CPSF4: variants seen among roughly 807,000 people sequenced by gnomAD.
The protein encoded by CPSF4 is cleavage and polyadenylation specific factor 4.
Under a neutral mutation model 37.7 loss-of-function variants are expected in CPSF4, and 11 were observed. That is an observed-to-expected ratio of 0.29 (90% confidence interval 0.18 to 0.48). CPSF4 has a LOEUF of 0.48. CPSF4 is among the 20% of genes least tolerant of loss of function. The probability of loss-of-function intolerance (pLI) is 0.99; values close to 1 mark genes in which losing one functional copy is unlikely to be tolerated. For missense variants in CPSF4, 144 were observed against 359.5 expected (o/e 0.40, Z 4.85); for synonymous variants, 132 against 135.9 (o/e 0.97, Z 0.20).
rs1266643922 is a variant in CPSF4 at position 99,447,955 on chromosome 7, A to G, written c.155-166A>G. On this transcript the variant is annotated intron_variant, in intron 2 of 7. Transcript: ENST00000292476. Reference sequence around the variant, plus strand: ...AAAATGTCTGTCAGTGTAGTACCTCAAATCATGTTGCCTTCTGTGAGGGGG... The same window carrying G: ...AAAATGTCTGTCAGTGTAGTACCTCGAATCATGTTGCCTTCTGTGAGGGGG... 1.7e-5 allele frequency: 11 copies of G among 648,466 alleles called. No individual in the cohort carries two copies. In the East Asian group the frequency reaches 2.2e-4, roughly 13 times the overall value. 40.2% of individuals were successfully genotyped at this position (648,466 alleles called of 1,614,324 possible).
In CPSF4 at chr7:99,444,689, G is replaced by A. The variant is rs1042338107; in HGVS notation, c.104-100G>A. On this transcript the variant is annotated intron_variant, in intron 1 of 7. Coordinates refer to ENST00000292476, the MANE Select transcript of CPSF4 (RefSeq NM_006693.4). ...TTATTTCCTGTACCCTGAACCCTTG[G>A]TGGGTCAGAGGTCAGAAGGGTTCCC... 7 of 1,126,624 alleles carry A rather than the reference G, an allele frequency of 6.2e-6. No homozygotes were observed. In the African/African-American group the frequency reaches 9.4e-5, roughly 15 times the overall value. 69.8% of individuals were successfully genotyped at this position (1,126,624 alleles called of 1,614,324 possible). A position where few individuals can be genotyped will look rare whatever the true frequency, so the allele number is the denominator to read the frequency against.
chr7:99,446,771 CTTTTTTTTTTTTTTTTTTTTTTT>C (rs762892785), intron 2 of CPSF4, among the ~76,000 whole-genome samples: 4 of 29,134 alleles, frequency 1.4e-4, no homozygotes, highest in African/African-American at 4.5e-4. Context: ...CCATACCCAG[CTTTTTTTTTTTTTTTTTTTTTTT>C]TTTTTTTTTT....
In CPSF4 at chr7:99,456,211, G is replaced by A. The variant is rs574916769; in HGVS notation, c.742-221G>A. 1.0e-3 allele frequency among the ~76,000 whole-genome samples: 152 copies of A among 152,350 alleles called. 1 individual carries two copies. The highest frequency in any genetic ancestry group is 3.4e-3 in the African/African-American group (142 of 41,582). On this transcript the variant is annotated intron_variant, in intron 7 of 7. Coordinates refer to ENST00000292476, the MANE Select transcript of CPSF4 (RefSeq NM_006693.4). ...CGGCCTTGTTCTCCCTTGCATCTGC[G>A]GAGTTGCTGGCTAGTTTCTGCACCA...
chr7:99,442,988 C>A (rs779454911), intron 1 of CPSF4: 2 of 1,582,190 alleles, frequency 1.3e-6, no homozygotes, highest in South Asian at 2.2e-5. Context: ...GCTCCTTCCT[C>A]TTTTTCAGTT....
chr7:99,442,412 T>G (rs1158482792), intron 1 of CPSF4, among the ~76,000 whole-genome samples: 1 of 151,552 alleles, frequency 6.6e-6, no homozygotes, highest in Non-Finnish European at 1.5e-5. Flanking sequence ...ATCCCAGCAC[T>G]TTGGGAGGCC....
intron 1 of CPSF4, among the ~76,000 whole-genome samples, chr7:99,440,093 C>T (rs556615995): frequency 5.9e-4 from 90 of 152,146 alleles, no homozygotes; most frequent in Non-Finnish European, 1.1e-3. Context: ...AATGCTATAA[C>T]CTTAAAGTTT....
Position 99,438,980 on chromosome 7 carries a change from G to T in CPSF4, c.-103G>T. 1.5e-6 allele frequency: 2 copies of T among 1,334,272 alleles called. No individual in the cohort carries two copies. Among genetic ancestry groups the T allele is most frequent in the South Asian group, 1.6e-5 (1 of 62,272 alleles). 82.7% of individuals were successfully genotyped at this position (1,334,272 alleles called of 1,614,324 possible). A position where few individuals can be genotyped will look rare whatever the true frequency, so the allele number is the denominator to read the frequency against. On this transcript the variant is annotated 5_prime_UTR_variant, in exon 1 of 8. Coordinates refer to ENST00000292476, the MANE Select transcript of CPSF4 (RefSeq NM_006693.4). ...GCGGCGGCGGCGGCGGCGGCGAGGC[G>T]AAGCGAAGGAGGAGTGTGTGCGGCG...
At chr7:99,447,271 CTTTTTTTTTTTTT>C (rs1351325327) in intron 2 of CPSF4, among the ~76,000 whole-genome samples, 1 of 107,166 alleles carries the variant, frequency 9.3e-6, no homozygotes, top group South Asian at 2.6e-4. Context: ...TTTTTTTTTT[CTTTTTTTTTTTTT>C]TGAGACAGAG....
intron 1 of CPSF4, among the ~76,000 whole-genome samples, chr7:99,440,668 A>ATGTTTTTT (rs1263161658): frequency 1.2e-5 from 1 of 84,826 alleles, no homozygotes; most frequent in Non-Finnish European, 1.9e-5. Flanking sequence ...ATATATATAT[A>ATGTTTTTT]TATATATTTT....
chr7:99,443,643 G>T, intron 1 of CPSF4: 3 of 489,474 alleles, frequency 6.1e-6, no homozygotes, highest in Non-Finnish European at 1.1e-5. Flanking sequence ...TGTGGGCCAG[G>T]TGTGGTGGCT....
At chr7:99,446,519 TCTGTCCCATCAGGTC>T (rs1046778656) in intron 2 of CPSF4, among the ~76,000 whole-genome samples, 83 of 152,166 alleles carry the variant, frequency 5.5e-4, no homozygotes, top group African/African-American at 1.4e-3. Flanking sequence ...AGAGGCTGGC[TCTGTCCCATCAGGTC>T]CTGTCCCAGA....
chr7:99,453,677 T>C lies in CPSF4; in HGVS notation c.571-289T>C. The C allele has an allele frequency of 2.9e-6, 1 of 339,710 alleles. No homozygotes were observed. The highest frequency in any genetic ancestry group is 6.1e-5 in the East Asian group (1 of 16,314). 21.0% of individuals were successfully genotyped at this position (339,710 alleles called of 1,614,324 possible). A position where few individuals can be genotyped will look rare whatever the true frequency, so the allele number is the denominator to read the frequency against. ...GAACCTCAGAAACCAAAGTAAGGCC[T>C]GATCATGCCCTCGCCCCACTGCCCC... On this transcript the variant is annotated intron_variant, in intron 6 of 7. Transcript: ENST00000292476. The surrounding 1 kb of genome is among the most constrained non-coding windows in gnomAD (Gnocchi z 4.7).
intron 1 of CPSF4, among the ~76,000 whole-genome samples, chr7:99,441,824 T>C (rs1445068345): frequency 6.6e-6 from 1 of 152,180 alleles, no homozygotes; most frequent in East Asian, 1.9e-4. Flanking sequence ...CCCAGGTAGC[T>C]GGGATTACAG....
rs1798051940 is a variant in CPSF4 at position 99,453,135 on chromosome 7, A to AG, written c.570+698dup. 6.6e-6 allele frequency: 1 copy of AG among 152,554 alleles called. No homozygotes were observed. The highest frequency in any genetic ancestry group is 2.4e-5 in the African/African-American group (1 of 41,438). 9.5% of individuals were successfully genotyped at this position (152,554 alleles called of 1,614,324 possible). A position where few individuals can be genotyped will look rare whatever the true frequency, so the allele number is the denominator to read the frequency against. ...GGAGTCGGGAGTTGAGCCAAGAGGA[A>AG]GGGCTGGCGTCAAGGCAGGGCGGGC... is the stretch of plus-strand genomic sequence containing the variant. On this transcript the variant is annotated intron_variant, in intron 6 of 7. Coordinates refer to ENST00000292476, the MANE Select transcript of CPSF4 (RefSeq NM_006693.4). This position sits in a 1 kb window ranked among gnomAD's most constrained non-coding sequence, Gnocchi z 4.7.
At position 99,448,791 on chromosome 7, in the gene CPSF4, G is replaced by A. The variant is rs755375413; in HGVS notation, c.307+518G>A. On this transcript the variant is annotated intron_variant, in intron 3 of 7. Coordinates refer to ENST00000292476, the MANE Select transcript of CPSF4 (RefSeq NM_006693.4). The surrounding 1 kb of genome is among the most constrained non-coding windows in gnomAD (Gnocchi z 4.4). ...AGCGTGGGCATTGCCTCTCAGGCCCGAGCTGGTTCCTTCTCTCCAGGAGCC... is the reference window on the plus strand; with the variant it reads ...AGCGTGGGCATTGCCTCTCAGGCCCAAGCTGGTTCCTTCTCTCCAGGAGCC... 2 of 153,818 alleles carry A rather than the reference G, an allele frequency of 1.3e-5. No individual in the cohort carries two copies. Among genetic ancestry groups the A allele is most frequent in the African/African-American group, 2.4e-5 (1 of 41,448 alleles). The allele number at this position is 153,818 out of a possible 1,614,324, so 9.5% of individuals were successfully genotyped here. A position where few individuals can be genotyped will look rare whatever the true frequency, so the allele number is the denominator to read the frequency against.
intron 1 of CPSF4, 82 bp from the exon 2 acceptor site, chr7:99,444,707 G>T: frequency 7.3e-7 from 1 of 1,375,712 alleles, no homozygotes. Flanking sequence ...GAGGTCAGAA[G>T]GGTTCCCTCC....
intron 2 of CPSF4, among the ~76,000 whole-genome samples, chr7:99,445,170 T>C (rs1405290438): frequency 1.3e-5 from 2 of 152,222 alleles, no homozygotes; most frequent in African/African-American, 4.8e-5. Context: ...CAGAGCCCAG[T>C]GTCTGAACCC....
In CPSF4 at chr7:99,444,903, A is replaced by C. The variant is rs1797352146; in HGVS notation, c.154+64A>C. The C allele has an allele frequency of 3.5e-6, 5 of 1,412,120 alleles. No individual in the cohort carries two copies. The East Asian group carries it at 9.1e-5, about 26-fold the overall frequency. The allele number at this position is 1,412,120 out of a possible 1,614,324, so 87.5% of individuals were successfully genotyped here. A position where few individuals can be genotyped will look rare whatever the true frequency, so the allele number is the denominator to read the frequency against. The stretch of plus-strand genomic sequence containing the variant: ...GCCCTCCCACCTCCTTCTCCCCGGC[A>C]GACTTGGAGGCCGCCAGGTCTCTGG... On this transcript the variant is annotated intron_variant, in intron 2 of 7. Transcript: ENST00000292476.
In CPSF4 at chr7:99,444,852, G is replaced by A. The variant is rs200888443; in HGVS notation, c.154+13G>A. 240 of 1,613,000 alleles carry A rather than the reference G, an allele frequency of 1.5e-4. No individual in the cohort carries two copies. Among genetic ancestry groups the A allele is most frequent in the Non-Finnish European group, 1.9e-4 (222 of 1,179,570 alleles). On this transcript the variant is annotated intron_variant, in intron 2 of 7. Coordinates refer to ENST00000292476, the MANE Select transcript of CPSF4 (RefSeq NM_006693.4). ...GCCTGCGGCAAAGGTAAGAAACTCC[G>A]GGCTCCCTGATGTGCCTCCGGAGGC...
Sources: gnomAD v4.1 joint callset for allele counts (sites outside exome capture counted in the v4.1 genomes callset) on GRCh38, gnomAD v4.1.1 for gene constraint, Gnocchi (gnomAD v3.1) non-coding constraint, MANE v1.5 for transcripts, NCBI Gene and HGNC (gene_info 2026-07-23, HGNC 2026-07-21) for gene names.